MICB: variants seen among roughly 807,000 people sequenced by gnomAD.
MICB encodes the protein MHC class I antigen-related protein B.
In MICB, 27 loss-of-function variants were observed where a neutral mutation model predicts 34.3. The ratio of observed to expected loss-of-function variants is 0.79; its 90% CI spans 0.58 to 1.08. The LOEUF (loss-of-function observed/expected upper bound fraction) is 1.08. Among genes scored for constraint, MICB ranks in the 50% least tolerant of loss-of-function variants. MICB has a pLI of 0.00. For synonymous variants in MICB, 153 were observed against 187.4 expected (o/e 0.82, Z 1.50); for missense variants, 426 against 483.1 (o/e 0.88, Z 1.11).
Position 31,509,875 on chromosome 6 carries a change from C to A in MICB, c.1118C>A (p.Ala373Asp). 9 of 1,613,526 alleles carry A rather than the reference C, an allele frequency of 5.6e-6. No homozygotes were observed. The highest frequency in any genetic ancestry group is 7.6e-6 in the Non-Finnish European group (9 of 1,179,632). Residue 373 changes from alanine (A) to aspartate (D), a missense_variant, in exon 6 of 6, where the codon GCT becomes GAT. Transcript: ENST00000252229. ...AQLGFQPLMS[A>D]TGSTGSTEGT is the part of the protein sequence containing the mutation. ...CTGGGATTTCAGCCTCTGATGTCAG[C>A]TACTGGGTCCACTGGTTCCACTGAG... is the stretch of plus-strand genomic sequence containing the variant.
At position 31,507,132 on chromosome 6, in the gene MICB, G is replaced by T. The variant is rs1765387226; in HGVS notation, c.724G>T (p.Asp242Tyr). The T allele has an allele frequency of 1.2e-6, 2 of 1,614,166 alleles. No individual in the cohort carries two copies. The highest frequency in any genetic ancestry group is 1.7e-6 in the Non-Finnish European group (2 of 1,180,008). The change falls in exon 4 of 6, where the codon GAT becomes TAT. Residue 242 changes from aspartate to tyrosine, a missense_variant. Coordinates refer to ENST00000252229, the MANE Select transcript of MICB (RefSeq NM_005931.5). This position sits in a 1 kb window ranked among gnomAD's most constrained non-coding sequence, Gnocchi z 6.0. The stretch of plus-strand genomic sequence containing the variant: ...GAATATCACACTGACCTGGCGTCAG[G>T]ATGGGGTATCTTTGAGCCACAACAC... ...PRNITLTWRQ[D>Y]GVSLSHNTQQ...
chr6:31,503,949 CTGTGTG>C (rs9279324), intron 1 of MICB, among the ~76,000 whole-genome samples: 4 of 97,528 alleles, frequency 4.1e-5, no homozygotes, highest in African/African-American at 1.2e-4. Context: ...GCCAAACTTG[CTGTGTG>C]TGTGTGTGTG....
chr6:31,498,028 C>G, upstream of MICB: 1 of 407,264 alleles, frequency 2.5e-6, no homozygotes, highest in Middle Eastern at 5.3e-4. Context: ...CTGAACGTGG[C>G]CCCGCCCTCT....
rs765401600 is a variant in MICB, at chr6:31,507,504, A to C, written c.997A>C (p.Lys333Gln). 2 of 1,614,206 alleles carry C rather than the reference A, an allele frequency of 1.2e-6. No homozygotes were observed. The highest frequency in any genetic ancestry group is 1.7e-6 in the Non-Finnish European group (2 of 1,180,038). The change falls in exon 5 of 6, where the codon AAG (lysine) becomes CAG (glutamine). Residue 333 changes from lysine to glutamine, a missense_variant. Coordinates refer to ENST00000252229, the MANE Select transcript of MICB (RefSeq NM_005931.5). This position sits in a 1 kb window ranked among gnomAD's most constrained non-coding sequence, Gnocchi z 6.0. Reference sequence around the variant, plus strand: ...TATTCTCTGTGTCCCTTGTTGCAAGAAGAAAACATCAGCGGCAGAGGGTCC... The same window carrying C: ...TATTCTCTGTGTCCCTTGTTGCAAGCAGAAAACATCAGCGGCAGAGGGTCC... Reference protein sequence around the residue: ...IIILCVPCCKKKTSAAEGPEL... With the variant: ...IIILCVPCCKQKTSAAEGPEL...
chr6:31,503,589 A>G (rs1184291146), intron 1 of MICB, among the ~76,000 whole-genome samples: 1 of 152,022 alleles, frequency 6.6e-6, no homozygotes. Flanking sequence ...TTCACTTATA[A>G]TATTTCGAGG....
At position 31,507,168 on chromosome 6, in the gene MICB, G is replaced by A; in HGVS notation, c.760G>A (p.Gly254Arg). The change falls in exon 4 of 6, where the codon GGG (glycine) becomes AGG (arginine). Residue 254 changes from glycine (G) to arginine (R), a missense_variant. Gly to Arg is a moderately radical substitution (Grantham distance 125). Transcript: ENST00000252229. This position sits in a 1 kb window ranked among gnomAD's most constrained non-coding sequence, Gnocchi z 6.0. ...VSLSHNTQQWGDVLPDGNGTY... is the reference protein window; with the variant it reads ...VSLSHNTQQWRDVLPDGNGTY... ...TTTGAGCCACAACACCCAGCAGTGGGGGGATGTCCTGCCTGATGGGAATGG... is the reference window on the plus strand; with the variant it reads ...TTTGAGCCACAACACCCAGCAGTGGAGGGATGTCCTGCCTGATGGGAATGG... 6.2e-7 allele frequency: 1 copy of A among 1,614,142 alleles called. No homozygotes were observed. Among genetic ancestry groups the A allele is most frequent in the Non-Finnish European group, 8.5e-7 (1 of 1,180,008 alleles).
chr6:31,501,762 G>A (rs1765029673), intron 1 of MICB, among the ~76,000 whole-genome samples: 1 of 152,072 alleles, frequency 6.6e-6, no homozygotes, highest in Non-Finnish European at 1.5e-5. Context: ...ATTTGTTTCT[G>A]GGTTCTCTAT....
chr6:31,498,446 C>CTTTTTTTTT (rs9279321), intron 1 of MICB, among the ~76,000 whole-genome samples, 183 bp downstream of exon 1: 9 of 89,306 alleles, frequency 1.0e-4, no homozygotes, highest in Non-Finnish European at 1.3e-4. Flanking sequence ...TCTCCCGTCT[C>CTTTTTTTTT]TTTTTTTTTT....
At chr6:31,502,718 T>C (rs1765077576) in intron 1 of MICB, among the ~76,000 whole-genome samples, 1 of 152,218 alleles carries the variant, frequency 6.6e-6, no homozygotes. Flanking sequence ...TCTTTTCCAA[T>C]TTTGATGCCC....
upstream of MICB, among the ~76,000 whole-genome samples, chr6:31,495,548 A>G (rs2516499): frequency 0.32 from 47,939 of 152,158 alleles, 7,786 homozygotes; most frequent in Middle Eastern, 0.39. Context: ...AATTGTTAAA[A>G]TTCTCGAATA....
At position 31,509,716 on chromosome 6, in the gene MICB, A is replaced by G; in HGVS notation, c.1025-66A>G. 4.1e-6 allele frequency: 6 copies of G among 1,462,956 alleles called. No homozygotes were observed. In the South Asian group the frequency reaches 9.3e-5, roughly 23 times the overall value. The allele number at this position is 1,462,956 out of a possible 1,614,324, so 90.6% of individuals were successfully genotyped here. ...GATTTTGGGGCAACTGAAGAGAGAAAAGTCCTTAGGGAATAAACACAACAC... is the reference window on the plus strand; with the variant it reads ...GATTTTGGGGCAACTGAAGAGAGAAGAGTCCTTAGGGAATAAACACAACAC... On this transcript the variant is annotated intron_variant, in intron 5 of 5. Coordinates refer to ENST00000252229, the MANE Select transcript of MICB (RefSeq NM_005931.5).
intron 1 of MICB, among the ~76,000 whole-genome samples, chr6:31,500,388 C>A (rs1054550983): frequency 2.0e-5 from 3 of 152,138 alleles, no homozygotes; most frequent in Non-Finnish European, 4.4e-5. Flanking sequence ...TACAATATGT[C>A]ATAATCACAT....
At chr6:31,498,094 C>A, upstream of MICB, 1 of 963,124 alleles carries the variant, frequency 1.0e-6, no homozygotes, top group Non-Finnish European at 1.5e-6. Flanking sequence ...TAAGCGGTCG[C>A]TGAGCGGGGC....
Position 31,498,250 on chromosome 6 carries a change from G to T in MICB, c.57G>T (p.Pro19=). The change falls in exon 1 of 6, where the codon CCG becomes CCT. Residue 19 remains proline, a synonymous_variant. Coordinates refer to ENST00000252229, the MANE Select transcript of MICB (RefSeq NM_005931.5). Reference sequence around the variant, plus strand: ...CCGTCGCCTTCCCTTTTGCACCCCCGGCAGCCGCCGCTGGTGAGTGGGGTT... The same window carrying T: ...CCGTCGCCTTCCCTTTTGCACCCCCTGCAGCCGCCGCTGGTGAGTGGGGTT... The part of the protein sequence containing the change: ...FLAVAFPFAP[P]AAAAEPHSLR... 1 of 1,573,976 alleles carries T rather than the reference G, an allele frequency of 6.4e-7. No individual in the cohort carries two copies. The highest frequency in any genetic ancestry group is 8.6e-7 in the Non-Finnish European group (1 of 1,157,956).
chr6:31,509,150 G>T (rs1193730707), intron 5 of MICB, among the ~76,000 whole-genome samples: 1 of 152,198 alleles, frequency 6.6e-6, no homozygotes, highest in African/African-American at 2.4e-5. Context: ...CAGGTCACAG[G>T]CCTAGGTGGG....
intron 1 of MICB, among the ~76,000 whole-genome samples, chr6:31,501,485 G>T (rs1765016233): frequency 6.6e-6 from 1 of 152,060 alleles, no homozygotes; most frequent in African/African-American, 2.4e-5. Context: ...TGCTTGTGGG[G>T]TATTACTTAA....
intron 1 of MICB, among the ~76,000 whole-genome samples, chr6:31,499,506 C>T (rs1764903096): frequency 6.6e-6 from 1 of 151,796 alleles, no homozygotes; most frequent in Admixed American, 6.6e-5. Flanking sequence ...CTCCCCATTC[C>T]CAAATGTCCC....
intron 1 of MICB, 58 bp downstream of exon 1, chr6:31,498,321 G>T: frequency 7.1e-7 from 1 of 1,416,018 alleles, no homozygotes; most frequent in Middle Eastern, 2.5e-4. Flanking sequence ...GTTTCCGGGG[G>T]TCCGGGTGGG....
At chr6:31,508,820 T>A (rs1765502842) in intron 5 of MICB, among the ~76,000 whole-genome samples, 1 of 152,234 alleles carries the variant, frequency 6.6e-6, no homozygotes, top group South Asian at 2.1e-4. Flanking sequence ...TTTCCTCTAA[T>A]ACTGCTGTTG....
Sources: gnomAD v4.1 joint callset for allele counts (sites outside exome capture counted in the v4.1 genomes callset) on GRCh38, gnomAD v4.1.1 for gene constraint, Gnocchi (gnomAD v3.1) non-coding constraint, MANE v1.5 for transcripts, NCBI Gene and HGNC (gene_info 2026-07-23, HGNC 2026-07-21) for gene names.